PSMF1: variants seen among roughly 807,000 people sequenced by gnomAD.
PSMF1 encodes proteasome inhibitor subunit 1.
PSMF1 carries 30 observed loss-of-function variants against 29.3 expected under a neutral mutation model. That is an observed-to-expected ratio of 1.02 (90% confidence interval 0.77 to 1.39). PSMF1 has a LOEUF of 1.39. PSMF1 is among the 40% of genes most tolerant of loss of function. PSMF1 has a pLI of 0.00. For missense variants in PSMF1, 344 were observed against 357.5 expected (o/e 0.96, Z 0.31); for synonymous variants, 134 against 139.7 (o/e 0.96, Z 0.29).
At chr20:1,161,423 G>A (rs1370295526) in intron 4 of PSMF1, 1 of 429,724 alleles carries the variant, frequency 2.3e-6, no homozygotes, top group Non-Finnish European at 4.3e-6. Context: ...CTATCATAAG[G>A]TGTGATGTGG....
Position 1,164,636 on chromosome 20 carries a change from C to T in PSMF1, c.764+160C>T, listed in dbSNP as rs1330860030. 6 of 524,722 alleles carry T rather than the reference C, an allele frequency of 1.1e-5. No individual in the cohort carries two copies. The South Asian group carries it at 2.4e-4, about 21-fold the overall frequency. 32.5% of individuals were successfully genotyped at this position (524,722 alleles called of 1,614,324 possible). A position where few individuals can be genotyped will look rare whatever the true frequency, so the allele number is the denominator to read the frequency against. On this transcript the variant is annotated intron_variant, in intron 6 of 6. Coordinates refer to ENST00000335877, the MANE Select transcript of PSMF1 (RefSeq NM_006814.5). This position sits in a 1 kb window ranked among gnomAD's most constrained non-coding sequence, Gnocchi z 4.1. The stretch of plus-strand genomic sequence containing the variant: ...TCCTCCAGGGCCCTGCCTGATTTCT[C>T]CCTGGAGCCTTCTAGGAGCTTCCTA...
At position 1,165,536 on chromosome 20, in the gene PSMF1, G is replaced by C; in HGVS notation, c.*456G>C. The C allele has an allele frequency of 1.0e-6, 1 of 1,000,420 alleles. No individual in the cohort carries two copies. The highest frequency in any genetic ancestry group is 1.2e-6 in the Non-Finnish European group (1 of 839,142). 62.0% of individuals were successfully genotyped at this position (1,000,420 alleles called of 1,614,324 possible). ...TTCCATTTATGAGACTTTAGAGTTT[G>C]AGTTTCTGTAGGGCTGAATGACTCT... On this transcript the variant is annotated 3_prime_UTR_variant, in exon 7 of 7. Coordinates refer to ENST00000335877, the MANE Select transcript of PSMF1 (RefSeq NM_006814.5).
chr20:1,162,869 G>A (rs1600175921), intron 4 of PSMF1, among the ~76,000 whole-genome samples: 1 of 152,114 alleles, frequency 6.6e-6, no homozygotes, highest in African/African-American at 2.4e-5. Context: ...AAATTTATCT[G>A]GAGGTTACCA....
intron 3 of PSMF1, among the ~76,000 whole-genome samples, chr20:1,133,803 A>G (rs1318928802): frequency 6.6e-6 from 1 of 151,268 alleles, no homozygotes; most frequent in Non-Finnish European, 1.5e-5. Context: ...AGTGTAATTC[A>G]GTTTCTTTAA....
chr20:1,166,486 G>T lies in PSMF1; in HGVS notation c.*1406G>T. The T allele has an allele frequency of 1.7e-6, 1 of 580,194 alleles. No homozygotes were observed. 35.9% of individuals were successfully genotyped at this position (580,194 alleles called of 1,614,324 possible). ...TGCCAGGCTGTTTTCTGTAGCCTCA[G>T]ATTGCCTATCTGCTTAGCCTGAGAA... On this transcript the variant is annotated 3_prime_UTR_variant, in exon 7 of 7. Coordinates refer to ENST00000335877, the MANE Select transcript of PSMF1 (RefSeq NM_006814.5).
At position 1,171,090 on chromosome 20, in the gene PSMF1, G is replaced by A. The variant is rs999303558; in HGVS notation, c.*6010G>A. On this transcript the variant is annotated 3_prime_UTR_variant, in exon 7 of 7. Transcript: ENST00000335877. ...CTGGGCAAAACCCATTCCAGAAGCTGGGAAACCACGTCAGGACTTGTGTGA... is the reference window on the plus strand; with the variant it reads ...CTGGGCAAAACCCATTCCAGAAGCTAGGAAACCACGTCAGGACTTGTGTGA... 1.4e-4 allele frequency among the ~76,000 whole-genome samples: 21 copies of A among 152,074 alleles called. No individual in the cohort carries two copies. Among genetic ancestry groups the A allele is most frequent in the African/African-American group, 4.6e-4 (19 of 41,410 alleles).
At chr20:1,138,387 G>A (rs1384989954) in intron 4 of PSMF1, among the ~76,000 whole-genome samples, 3 of 152,068 alleles carry the variant, frequency 2.0e-5, no homozygotes, top group Non-Finnish European at 4.4e-5. Context: ...CCAGGCGCCC[G>A]GTGGCTCATG....
intron 3 of PSMF1, among the ~76,000 whole-genome samples, chr20:1,132,081 C>CTA (rs948767215): frequency 6.6e-6 from 1 of 152,178 alleles, no homozygotes; most frequent in African/African-American, 2.4e-5. Context: ...ATCTGTGGAT[C>CTA]TATCTCTGGA....
chr20:1,164,457 A>T lies in PSMF1; in HGVS notation c.745A>T (p.Ile249Phe), dbSNP rs1196338074. The T allele has an allele frequency of 1.9e-6, 3 of 1,613,916 alleles. No individual in the cohort carries two copies. The African/African-American group carries it at 4.0e-5, about 22-fold the overall frequency. Reference protein sequence around the residue: ...PGARFDPFGPIGTSPPGPNPD... With the variant: ...PGARFDPFGPFGTSPPGPNPD... ...AGCTCGCTTTGACCCCTTTGGACCC[A>T]TTGGGACCAGCCCACCCGGGTACGT... The change falls in exon 6 of 7, where the codon ATT becomes TTT. Residue 249 changes from isoleucine (I) to phenylalanine (F), a missense_variant. Physicochemically the swap from Ile to Phe is conservative, Grantham distance 21. Coordinates refer to ENST00000335877, the MANE Select transcript of PSMF1 (RefSeq NM_006814.5). This position sits in a 1 kb window ranked among gnomAD's most constrained non-coding sequence, Gnocchi z 4.1.
upstream of PSMF1, chr20:1,118,091 T>C (rs890733985): frequency 2.0e-5 from 3 of 152,184 alleles, no homozygotes; most frequent in Admixed American, 1.3e-4. Context: ...ACTTAATAAA[T>C]GTTATCTTAG....
At position 1,168,706 on chromosome 20, in the gene PSMF1, A is replaced by G. The variant is rs2086759259; in HGVS notation, c.*3626A>G. On this transcript the variant is annotated 3_prime_UTR_variant, in exon 7 of 7. Coordinates refer to ENST00000335877, the MANE Select transcript of PSMF1 (RefSeq NM_006814.5). Reference sequence around the variant, plus strand: ...CACTCTTTGGAACCTAGTTTCTCCTATGGCCTCCCTTTCTACTGTTGTTAA... The same window carrying G: ...CACTCTTTGGAACCTAGTTTCTCCTGTGGCCTCCCTTTCTACTGTTGTTAA... Among the ~76,000 whole-genome samples the G allele has an allele frequency of 6.6e-6, 1 of 152,202 alleles. No homozygotes were observed. The highest frequency in any genetic ancestry group is 2.4e-5 in the African/African-American group (1 of 41,454).
Position 1,164,592 on chromosome 20 carries a change from C to T in PSMF1, c.764+116C>T. 1 of 1,398,850 alleles carries T rather than the reference C, an allele frequency of 7.1e-7. No individual in the cohort carries two copies. Among genetic ancestry groups the T allele is most frequent in the Non-Finnish European group, 9.8e-7 (1 of 1,021,296 alleles). The allele number at this position is 1,398,850 out of a possible 1,614,324, so 86.7% of individuals were successfully genotyped here. A position where few individuals can be genotyped will look rare whatever the true frequency, so the allele number is the denominator to read the frequency against. On this transcript the variant is annotated intron_variant, in intron 6 of 6. Coordinates refer to ENST00000335877, the MANE Select transcript of PSMF1 (RefSeq NM_006814.5). This position sits in a 1 kb window ranked among gnomAD's most constrained non-coding sequence, Gnocchi z 4.1. ...GAGCTGCCGCTGCCTTCACCTGTTG[C>T]TGCCAGGAGAGTGGAGCCTCCTCCA...
chr20:1,123,416 C>T (rs1166303706), intron 1 of PSMF1, among the ~76,000 whole-genome samples: 1 of 152,162 alleles, frequency 6.6e-6, no homozygotes, highest in African/African-American at 2.4e-5. Flanking sequence ...CCATGGTGAG[C>T]AATATAAATA....
In PSMF1 at chr20:1,171,622, C is replaced by T. The variant is rs920127449; in HGVS notation, c.*6542C>T. Among the ~76,000 whole-genome samples the T allele has an allele frequency of 5.3e-5, 8 of 152,184 alleles. No homozygotes were observed. The highest frequency in any genetic ancestry group is 9.7e-5 in the African/African-American group (4 of 41,448). ...CCCCTTCTTTCCCCCTCCCAGTTCC[C>T]GCAGCTAGGCTGAGTGTTAAGAGGA... On this transcript the variant is annotated 3_prime_UTR_variant, in exon 7 of 7. Coordinates refer to ENST00000335877, the MANE Select transcript of PSMF1 (RefSeq NM_006814.5).
At chr20:1,127,032 G>A (rs1380968846) in intron 2 of PSMF1, among the ~76,000 whole-genome samples, 2 of 152,168 alleles carry the variant, frequency 1.3e-5, no homozygotes, top group Non-Finnish European at 2.9e-5. Context: ...CTGCCCTGGT[G>A]CACCCTTCTC....
chr20:1,119,004 C>A, intron 1 of PSMF1, 102 bp downstream of exon 1: 1 of 1,472,698 alleles, frequency 6.8e-7, no homozygotes, highest in Non-Finnish European at 9.2e-7. Context: ...CCGCTTCTCC[C>A]AGTGCAGGGT....
At chr20:1,147,952 C>T (rs1248124586) in intron 4 of PSMF1, among the ~76,000 whole-genome samples, 1 of 152,182 alleles carries the variant, frequency 6.6e-6, no homozygotes, top group African/African-American at 2.4e-5. Flanking sequence ...CACTGAACAC[C>T]CTTGGCTGGC....
chr20:1,151,863 AC>A (rs1319173355), intron 4 of PSMF1, among the ~76,000 whole-genome samples: 1 of 152,162 alleles, frequency 6.6e-6, no homozygotes, highest in African/African-American at 2.4e-5. Context: ...GGCAGAGGGA[AC>A]GATGGGTACC....
At chr20:1,129,187 C>T (rs994888026) in intron 3 of PSMF1, among the ~76,000 whole-genome samples, 23 of 151,982 alleles carry the variant, frequency 1.5e-4, no homozygotes, top group Admixed American at 1.4e-3. Context: ...CCAATTTTTG[C>T]GTTTTTAATA....
Sources: gnomAD v4.1 joint callset for allele counts (sites outside exome capture counted in the v4.1 genomes callset) on GRCh38, gnomAD v4.1.1 for gene constraint, Gnocchi (gnomAD v3.1) non-coding constraint, MANE v1.5 for transcripts, NCBI Gene and HGNC (gene_info 2026-07-23, HGNC 2026-07-21) for gene names.